Variants in KRT72 observed in about 807,000 individuals in gnomAD.
KRT72 encodes the protein keratin, type II cytoskeletal 72.
KRT72 carries 44 observed loss-of-function variants against 44.7 expected under a neutral mutation model. The observed-to-expected ratio is 0.98, with a 90% CI of 0.77 to 1.27. KRT72 has a LOEUF of 1.27. Ranked by LOEUF, KRT72 falls within the 50% of genes most tolerant of loss-of-function variation. The probability of loss-of-function intolerance (pLI) is 0.00; values close to 1 mark genes in which losing one functional copy is unlikely to be tolerated. For missense variants in KRT72, 736 were observed against 667.1 expected, an observed-to-expected ratio of 1.10 and a Z score of -1.14; for synonymous variants, 302 against 280.4, an observed-to-expected ratio of 1.08 and a Z score of -0.77.
At chr12:52,596,536 G>T (rs947260943) in intron 2 of KRT72, among the ~76,000 whole-genome samples, 2 of 151,374 alleles carry the variant, frequency 1.3e-5, no homozygotes, top group Admixed American at 6.6e-5. Context: ...ATCACAAAAG[G>T]TAAACTTTCT....
intron 4 of KRT72, among the ~76,000 whole-genome samples, 178 bp downstream of exon 4, chr12:52,592,218 G>A (rs996361269): frequency 3.9e-5 from 6 of 152,064 alleles, no homozygotes; most frequent in Admixed American, 6.5e-5. Flanking sequence ...TCTCTTTCAC[G>A]GACTCCTCAA....
At chr12:52,589,447 T>C (rs1939910887) in intron 6 of KRT72, among the ~76,000 whole-genome samples, 1 of 152,226 alleles carries the variant, frequency 6.6e-6, no homozygotes, top group Non-Finnish European at 1.5e-5. Flanking sequence ...CACTGTCACC[T>C]GAACTCATCA....
upstream of KRT72, chr12:52,601,511 C>G: frequency 3.3e-6 from 5 of 1,500,280 alleles, no homozygotes; most frequent in Non-Finnish European, 4.5e-6. Flanking sequence ...ACAGCCGCTG[C>G]GTTCTCGGCC....
At chr12:52,592,253 A>T (rs1940061631) in intron 4 of KRT72, 143 bp downstream of exon 4, 1 of 662,454 alleles carries the variant, frequency 1.5e-6, no homozygotes, top group South Asian at 1.7e-5. Context: ...TTCAGCACCC[A>T]GTAGGGCCTT....
intron 2 of KRT72, among the ~76,000 whole-genome samples, chr12:52,595,734 T>G (rs2361324): frequency 0.035 from 5,327 of 152,338 alleles, 302 homozygotes; most frequent in Admixed American, 0.15. Context: ...AACAATGTTT[T>G]ATGTTTCCAG....
Position 52,585,747 on chromosome 12 carries a change from CATTT to C in KRT72, c.*231_*234del. ...ACATCCTGGGTAAGTGTTGTCTTTG[CATTT>C]CAGGCAATGACCCAACGAAACGGGA... On this transcript the variant is annotated 3_prime_UTR_variant, in exon 9 of 9. Coordinates refer to ENST00000293745, the MANE Select transcript of KRT72 (RefSeq NM_080747.3). 1 of 500,558 alleles carries C rather than the reference CATTT, an allele frequency of 2.0e-6. No individual in the cohort carries two copies. Among genetic ancestry groups the C allele is most frequent in the Non-Finnish European group, 3.6e-6 (1 of 280,392 alleles). 31.0% of individuals were successfully genotyped at this position (500,558 alleles called of 1,614,324 possible).
In KRT72 at chr12:52,601,166, C is replaced by G. The variant is rs1001170343; in HGVS notation, c.287G>C (p.Gly96Ala). 3 of 1,613,204 alleles carry G rather than the reference C, an allele frequency of 1.9e-6. No homozygotes were observed. The highest frequency in any genetic ancestry group is 2.5e-6 in the Non-Finnish European group (3 of 1,179,580). The part of the protein sequence containing the change: ...PKCPSVCPPG[G>A]IPQVTVNKSL... ...CTTGTTGACGGTGACCTGAGGGATG[C>G]CCCCGGGTGGGCACACGGAGGGACA... The change falls in exon 1 of 9, where the codon GGC (glycine) becomes GCC (alanine). Residue 96 changes from glycine (G) to alanine (A), a missense_variant. Transcript: ENST00000293745.
intron 5 of KRT72, among the ~76,000 whole-genome samples, 168 bp from the exon 6 acceptor site, chr12:52,591,129 T>C (rs1019453062): frequency 3.3e-5 from 5 of 152,102 alleles, no homozygotes; most frequent in Non-Finnish European, 7.4e-5. Flanking sequence ...TTTGCCAAAG[T>C]GGAAACATGA....
intron 2 of KRT72, among the ~76,000 whole-genome samples, chr12:52,593,368 A>T (rs1940122920): frequency 6.6e-6 from 1 of 152,338 alleles, no homozygotes; most frequent in Admixed American, 6.5e-5. Context: ...CTCACTTTCA[A>T]ACTGTATGTT....
At chr12:52,595,147 T>G (rs1940191511) in intron 2 of KRT72, among the ~76,000 whole-genome samples, 1 of 152,102 alleles carries the variant, frequency 6.6e-6, no homozygotes, top group Non-Finnish European at 1.5e-5. Context: ...ATCAATGACA[T>G]TAGCTGTAAA....
chr12:52,596,343 A>G (rs892931422), intron 2 of KRT72, among the ~76,000 whole-genome samples: 4 of 152,184 alleles, frequency 2.6e-5, no homozygotes, highest in African/African-American at 4.8e-5. Context: ...ATAAGAATCA[A>G]TATTCATACA....
rs1345059963 is a variant in KRT72 at position 52,601,080 on chromosome 12, C to G, written c.373G>C (p.Glu125Gln). The change falls in exon 1 of 9, where the codon GAG becomes CAG. Residue 125 changes from glutamate to glutamine, a missense_variant. Transcript: ENST00000293745. Reference protein sequence around the residue: ...DPEIQRVRAQEREQIKALNNK... With the variant: ...DPEIQRVRAQQREQIKALNNK... ...TTTAGCGCCTTGATCTGCTCCCGCT[C>G]CTGGGCGCGCACCCTCTGGATCTCG... 1 of 1,612,374 alleles carries G rather than the reference C, an allele frequency of 6.2e-7. No homozygotes were observed.
chr12:52,600,922 G>T, intron 1 of KRT72, 105 bp downstream of exon 1: 1 of 1,213,030 alleles, frequency 8.2e-7, no homozygotes. Flanking sequence ...GAGGCTCGGA[G>T]AGGTTATGAC....
intron 2 of KRT72, 120 bp from the exon 3 acceptor site, chr12:52,593,072 TG>T: frequency 1.3e-6 from 1 of 781,200 alleles, no homozygotes. Flanking sequence ...CCCATACCCC[TG>T]GGGCACACAT....
chr12:52,592,823 C>T (rs923604441), intron 3 of KRT72, 69 bp downstream of exon 3: 2 of 1,407,906 alleles, frequency 1.4e-6, no homozygotes, highest in Admixed American at 1.8e-5. Context: ...CCTTTCCTCA[C>T]CCTACAAGCA....
At position 52,585,701 on chromosome 12, in the gene KRT72, C is replaced by A; in HGVS notation, c.*281G>T. 2.7e-6 allele frequency: 1 copy of A among 375,790 alleles called. No individual in the cohort carries two copies. Among genetic ancestry groups the A allele is most frequent in the Non-Finnish European group, 4.8e-6 (1 of 206,332 alleles). 23.3% of individuals were successfully genotyped at this position (375,790 alleles called of 1,614,324 possible). ...CAAGAAAGGCATGGGGGCAGAGGGG[C>A]TTGTAGCTGGCCTTGGGGAAACATC... On this transcript the variant is annotated 3_prime_UTR_variant, in exon 9 of 9. Transcript: ENST00000293745.
chr12:52,594,507 G>C (rs985911120), intron 2 of KRT72, among the ~76,000 whole-genome samples: 2 of 152,018 alleles, frequency 1.3e-5, no homozygotes, highest in Admixed American at 1.3e-4. Context: ...CTATTGCAAG[G>C]ACAGAAAACC....
chr12:52,595,132 T>C (rs76581402), intron 2 of KRT72, among the ~76,000 whole-genome samples: 1 of 152,174 alleles, frequency 6.6e-6, no homozygotes, highest in Non-Finnish European at 1.5e-5. Flanking sequence ...AAGTGGGCTA[T>C]CAAAATCAAT....
intron 2 of KRT72, among the ~76,000 whole-genome samples, chr12:52,597,218 T>C (rs1940255372): frequency 6.6e-6 from 1 of 152,248 alleles, no homozygotes; most frequent in Non-Finnish European, 1.5e-5. Context: ...AATGTTTTAA[T>C]TGTGAAGAGT....
Sources: gnomAD v4.1 joint callset for allele counts (sites outside exome capture counted in the v4.1 genomes callset) on GRCh38, gnomAD v4.1.1 for gene constraint, MANE v1.5 for transcripts, NCBI Gene and HGNC (gene_info 2026-07-23, HGNC 2026-07-21) for gene names.